IGSF11: variants seen among roughly 807,000 people sequenced by gnomAD.
The protein encoded by IGSF11 is immunoglobulin superfamily member 11, also known as CXADR like 1.
IGSF11 carries 22 observed loss-of-function variants against 41.0 expected under a neutral mutation model. The observed-to-expected ratio is 0.54, with a 90% CI of 0.38 to 0.77. The LOEUF (loss-of-function observed/expected upper bound fraction) is 0.77, where lower values mean the gene tolerates loss of function less well. IGSF11 is among the 30% of genes least tolerant of loss of function. The pLI, the probability that IGSF11 is intolerant of heterozygous loss-of-function variation, is 0.00. For synonymous variants in IGSF11, 219 were observed against 201.3 expected (o/e 1.09, Z -0.74); for missense variants, 444 against 530.8 (o/e 0.84, Z 1.61).
intron 1 of IGSF11, among the ~76,000 whole-genome samples, chr3:119,001,230 T>C (rs947063700): frequency 4.0e-5 from 6 of 150,362 alleles, no homozygotes; most frequent in Non-Finnish European, 8.9e-5. Flanking sequence ...CATATTTCTT[T>C]CTGTTTTAAT....
intron 1 of IGSF11, among the ~76,000 whole-genome samples, chr3:119,045,611 G>A (rs1228312055): frequency 6.6e-6 from 1 of 152,006 alleles, no homozygotes; most frequent in African/African-American, 2.4e-5. Context: ...AAACAAAGCA[G>A]CCAAGAAGCT....
At chr3:118,984,950 G>C (rs1048012904) in intron 1 of IGSF11, among the ~76,000 whole-genome samples, 1 of 152,162 alleles carries the variant, frequency 6.6e-6, no homozygotes, top group African/African-American at 2.4e-5. Flanking sequence ...TGAGTCATGT[G>C]AGAAGATAAG....
intron 1 of IGSF11, among the ~76,000 whole-genome samples, chr3:119,058,769 A>G (rs1336770766): frequency 1.3e-5 from 2 of 152,184 alleles, no homozygotes; most frequent in Admixed American, 6.5e-5. Context: ...TGTGGCACAT[A>G]TACACCATGG....
chr3:119,039,325 T>C (rs557759772), upstream of IGSF11, among the ~76,000 whole-genome samples: 2 of 149,208 alleles, frequency 1.3e-5, no homozygotes, highest in Non-Finnish European at 3.0e-5. Context: ...CTTTTTCAGA[T>C]TCTAGAGCCC....
intron 1 of IGSF11, among the ~76,000 whole-genome samples, chr3:119,077,489 G>GA (rs923399416): frequency 3.3e-5 from 5 of 151,158 alleles, no homozygotes; most frequent in East Asian, 1.9e-4. Flanking sequence ...AATTTAAAAA[G>GA]AAAAAAAACC....
chr3:118,951,444 C>T lies in IGSF11; in HGVS notation c.53-21169G>A, dbSNP rs549731165. Among the ~76,000 whole-genome samples, 21 of 152,232 alleles carry T rather than the reference C, an allele frequency of 1.4e-4. No homozygotes were observed. The East Asian group carries it at 4.1e-3, about 29-fold the overall frequency. On this transcript the variant is annotated intron_variant, in intron 1 of 6. Coordinates refer to ENST00000393775, the MANE Select transcript of IGSF11 (RefSeq NM_001015887.3). The stretch of plus-strand genomic sequence containing the variant: ...TCCATCACACAGATACAACTACACA[C>T]ACACATAAGCATTTGATTTTTCTAT...
At chr3:119,015,417 G>A (rs573226063) in intron 1 of IGSF11, among the ~76,000 whole-genome samples, 52 of 152,240 alleles carry the variant, frequency 3.4e-4, no homozygotes, top group African/African-American at 1.1e-3. Flanking sequence ...TAAGGAATCC[G>A]TTATAAACCT....
intron 4 of IGSF11, among the ~76,000 whole-genome samples, chr3:118,909,153 C>T (rs753098336): frequency 6.6e-6 from 1 of 152,028 alleles, no homozygotes; most frequent in Non-Finnish European, 1.5e-5. Flanking sequence ...GATATTAATT[C>T]CCAATAGATA....
chr3:118,983,024 C>T (rs1359273175), intron 1 of IGSF11, among the ~76,000 whole-genome samples: 2 of 152,168 alleles, frequency 1.3e-5, no homozygotes, highest in Non-Finnish European at 2.9e-5. Flanking sequence ...ATCACCTCTA[C>T]TTTTAGTCTA....
intron 1 of IGSF11, among the ~76,000 whole-genome samples, chr3:119,080,816 A>G (rs184797177): frequency 5.9e-5 from 9 of 152,284 alleles, no homozygotes; most frequent in African/African-American, 2.2e-4. Context: ...CTTAATTTGC[A>G]TCTTTAAAGG....
chr3:118,912,602 A>C (rs1406150145), intron 4 of IGSF11, among the ~76,000 whole-genome samples: 1 of 152,054 alleles, frequency 6.6e-6, no homozygotes, highest in African/African-American at 2.4e-5. Context: ...ACAAATAGAA[A>C]ACATAACCTA....
chr3:118,925,289 G>A (rs1003766388), intron 4 of IGSF11, among the ~76,000 whole-genome samples: 6 of 152,058 alleles, frequency 3.9e-5, no homozygotes, highest in African/African-American at 2.4e-5. Flanking sequence ...ACATGATTCA[G>A]ACTTACAAGG....
At chr3:119,010,335 A>T (rs949182355) in intron 1 of IGSF11, among the ~76,000 whole-genome samples, 2 of 152,248 alleles carry the variant, frequency 1.3e-5, no homozygotes, top group Non-Finnish European at 2.9e-5. Flanking sequence ...TACCACAAGA[A>T]GGAGAAAAGT....
At chr3:119,025,748 G>A (rs1460288237) in intron 1 of IGSF11, among the ~76,000 whole-genome samples, 1 of 151,972 alleles carries the variant, frequency 6.6e-6, no homozygotes, top group Non-Finnish European at 1.5e-5. Flanking sequence ...TGTTAAATGT[G>A]TACATCCAAA....
upstream of IGSF11, among the ~76,000 whole-genome samples, chr3:119,107,975 G>A (rs1464048834): frequency 1.3e-5 from 2 of 150,754 alleles, no homozygotes. Context: ...GTACCATGCT[G>A]TTTTGGTTAC....
chr3:118,920,637 A>T (rs1576369686), intron 4 of IGSF11, among the ~76,000 whole-genome samples: 1 of 151,930 alleles, frequency 6.6e-6, no homozygotes, highest in Non-Finnish European at 1.5e-5. Context: ...ACACAGAGAA[A>T]AACGAAATAT....
chr3:118,910,597 C>G (rs764417791), intron 4 of IGSF11, among the ~76,000 whole-genome samples: 1 of 152,158 alleles, frequency 6.6e-6, no homozygotes, highest in Non-Finnish European at 1.5e-5. Flanking sequence ...CTGGTGATCT[C>G]TTGTTTATAA....
rs571165430 is a variant in IGSF11, at chr3:118,970,097, A to G, written c.53-39822T>C. ...ACTATTCTCCAGCCACACTGGGCAC[A>G]GGGGATCTGCATGCCACCACCCCAG... On this transcript the variant is annotated intron_variant, in intron 1 of 6. Transcript: ENST00000393775. Among the ~76,000 whole-genome samples the G allele has an allele frequency of 4.6e-5, 7 of 152,326 alleles. No individual in the cohort carries two copies. In the East Asian group the frequency reaches 1.3e-3, roughly 29 times the overall value.
chr3:118,918,990 G>C lies in IGSF11; in HGVS notation c.580+7111C>G, dbSNP rs1219687521. ...ACTATCTGATCTTTGACAAACCTGA[G>C]AAAAACAAGCAATGGGGAAAGGATT... On this transcript the variant is annotated intron_variant, in intron 4 of 6. Transcript: ENST00000393775. Among the ~76,000 whole-genome samples, 76 of 119,086 alleles carry C rather than the reference G, an allele frequency of 6.4e-4. 1 individual carries two copies. The East Asian group carries it at 0.014, about 21-fold the overall frequency. The allele number at this position is 119,086 out of a possible 152,430, so 78.1% of individuals were successfully genotyped here. A position where few individuals can be genotyped will look rare whatever the true frequency, so the allele number is the denominator to read the frequency against.
Sources: gnomAD v4.1 joint callset for allele counts (sites outside exome capture counted in the v4.1 genomes callset) on GRCh38, gnomAD v4.1.1 for gene constraint, MANE v1.5 for transcripts, NCBI Gene and HGNC (gene_info 2026-07-23, HGNC 2026-07-21) for gene names.